The following RBFOX3 variants were observed in gnomAD, a reference collection of about 807,000 sequenced individuals.
The protein encoded by RBFOX3 is RNA binding fox-1 homolog 3, also known as RNA binding protein fox-1 homolog 3.
A neutral mutation model predicts 48.7 loss-of-function variants in RBFOX3; 17 were observed. The ratio of observed to expected loss-of-function variants is 0.35; its 90% CI spans 0.24 to 0.52. The LOEUF is 0.52. RBFOX3 is among the 20% of genes least tolerant of loss of function. The pLI, the probability that RBFOX3 is intolerant of heterozygous loss-of-function variation, is 0.94. For missense variants in RBFOX3, 382 were observed against 497.5 expected, an observed-to-expected ratio of 0.77 and a Z score of 2.21; for synonymous variants, 212 against 209.5, an observed-to-expected ratio of 1.01 and a Z score of -0.10.
At chr17:79,639,644 A>G in the RBFOX3 span, among the ~76,000 whole-genome samples, 2 of 152,232 alleles carry the variant, frequency 1.3e-5, no homozygotes, top group South Asian at 2.1e-4. Context: ...ATTATACATT[A>G]TGACCAAGTG....
chr17:79,252,546 C>T lies in RBFOX3; in HGVS notation c.-73-16741G>A, dbSNP rs376282426. Among the ~76,000 whole-genome samples the T allele has an allele frequency of 6.6e-6, 1 of 152,272 alleles. No homozygotes were observed. Among genetic ancestry groups the T allele is most frequent in the South Asian group, 2.1e-4 (1 of 4,816 alleles). ...GAGGCTGGAACAGGGAGGCAGTGGA[C>T]TCTCCCTCGGAAATGAGCTCTGATG... On this transcript the variant is annotated intron_variant, in intron 3 of 14. Transcript: ENST00000693108. The surrounding 1 kb of genome is among the most constrained non-coding windows in gnomAD (Gnocchi z 4.0).
intron 4 of RBFOX3, chr17:79,183,261 T>G (rs2052574322): frequency 6.6e-6 from 1 of 152,132 alleles, no homozygotes; most frequent in South Asian, 1.8e-4. Flanking sequence ...GGGGGCCGCT[T>G]ACCTGTTGGA....
At chr17:79,168,739 G>A (rs2048532970) in intron 4 of RBFOX3, among the ~76,000 whole-genome samples, 1 of 152,234 alleles carries the variant, frequency 6.6e-6, no homozygotes, top group Non-Finnish European at 1.5e-5. Context: ...CAGACACAGA[G>A]CCATGGTCTC....
At chr17:79,170,537 A>G (rs1260010501) in intron 4 of RBFOX3, among the ~76,000 whole-genome samples, 2 of 152,058 alleles carry the variant, frequency 1.3e-5, no homozygotes, top group African/African-American at 4.8e-5. Flanking sequence ...ACGCGTCTGC[A>G]CCGTCCTGAA....
chr17:79,410,167 C>G (rs190394436), intron 2 of RBFOX3, among the ~76,000 whole-genome samples: 66 of 152,368 alleles, frequency 4.3e-4, no homozygotes, highest in Non-Finnish European at 7.6e-4. Flanking sequence ...CTAGACGGCC[C>G]CCTGCACACA....
intron 2 of RBFOX3, among the ~76,000 whole-genome samples, chr17:79,447,287 C>A (rs2072530170): frequency 6.6e-6 from 1 of 152,188 alleles, no homozygotes; most frequent in Admixed American, 6.5e-5. Context: ...ATGAGCAAAT[C>A]TCAGGGCTGG....
chr17:79,549,981 G>A (rs2090976572), intron 1 of RBFOX3, among the ~76,000 whole-genome samples: 3 of 152,100 alleles, frequency 2.0e-5, no homozygotes, highest in African/African-American at 7.2e-5. Flanking sequence ...GGCAGGACGT[G>A]GGCATGCTGA....
At chr17:79,208,920 G>A (rs550923653) in intron 4 of RBFOX3, among the ~76,000 whole-genome samples, 9 of 152,000 alleles carry the variant, frequency 5.9e-5, no homozygotes, top group East Asian at 1.9e-4. Flanking sequence ...GGTTCACGCC[G>A]TTCTCCTGCC....
At chr17:79,270,399 C>A (rs1217866683) in intron 3 of RBFOX3, among the ~76,000 whole-genome samples, 3 of 152,202 alleles carry the variant, frequency 2.0e-5, no homozygotes, top group Non-Finnish European at 4.4e-5. Flanking sequence ...AGCCTCTCCT[C>A]CTGCACTCCC....
intron 12 of RBFOX3, 37 bp downstream of exon 12, chr17:79,096,616 C>T: frequency 1.3e-6 from 2 of 1,512,514 alleles, no homozygotes; most frequent in Non-Finnish European, 1.8e-6. Context: ...CACAGAACGC[C>T]TGATCCCACC....
intron 4 of RBFOX3, among the ~76,000 whole-genome samples, chr17:79,143,934 G>A (rs1390122130): frequency 6.6e-6 from 1 of 152,238 alleles, no homozygotes; most frequent in Non-Finnish European, 1.5e-5. Context: ...TGCAGGCCAG[G>A]ACGGACACCC....
chr17:79,181,239 C>T (rs775232596), intron 4 of RBFOX3, among the ~76,000 whole-genome samples: 7 of 152,200 alleles, frequency 4.6e-5, no homozygotes, highest in Admixed American at 6.5e-5. Context: ...AGGACCCTTA[C>T]TCTAAATCCT....
intron 3 of RBFOX3, among the ~76,000 whole-genome samples, chr17:79,244,981 C>T (rs988746822): frequency 6.8e-6 from 1 of 147,918 alleles, no homozygotes. Flanking sequence ...CTTTCCCTCC[C>T]TCCCTTCCTT....
intron 10 of RBFOX3, 85 bp downstream of exon 10, chr17:79,097,607 C>CA: frequency 3.8e-6 from 5 of 1,324,978 alleles, no homozygotes; most frequent in South Asian, 1.3e-5. Flanking sequence ...GGCCCCGCCC[C>CA]TCATGCCCCG....
At chr17:79,333,583 C>A (rs1031353581) in intron 2 of RBFOX3, among the ~76,000 whole-genome samples, 1 of 152,172 alleles carries the variant, frequency 6.6e-6, no homozygotes, top group African/African-American at 2.4e-5. Context: ...CTCTGCAGGT[C>A]TCCTGGCTCC....
rs2148743557 is a variant in RBFOX3 at position 79,421,482 on chromosome 17, G to A, written c.-175+60972C>T. Among the ~76,000 whole-genome samples the A allele has an allele frequency of 6.6e-6, 1 of 152,212 alleles. No individual in the cohort carries two copies. The highest frequency in any genetic ancestry group is 2.1e-4 in the South Asian group (1 of 4,812). On this transcript the variant is annotated intron_variant, in intron 2 of 14. Transcript: ENST00000693108. The surrounding 1 kb of genome is among the most constrained non-coding windows in gnomAD (Gnocchi z 4.5). ...GCCACTGGCAGGACAGCAGCTCTCA[G>A]CCCCTCCCCCTGAAGAAAGCATGTG...
chr17:79,259,564 G>A (rs1161625039), intron 3 of RBFOX3, among the ~76,000 whole-genome samples: 6 of 152,196 alleles, frequency 3.9e-5, no homozygotes, highest in Non-Finnish European at 5.9e-5. Flanking sequence ...CAGGACTCTG[G>A]GGGCCCAGGT....
At chr17:79,285,715 G>C (rs1343300603) in intron 3 of RBFOX3, among the ~76,000 whole-genome samples, 1 of 37,190 alleles carries the variant, frequency 2.7e-5, no homozygotes, top group African/African-American at 1.3e-4. Flanking sequence ...ATGGAGTCTC[G>C]CTCTGTCACC....
At position 79,411,911 on chromosome 17, in the gene RBFOX3, T is replaced by C. The variant is rs2064406105; in HGVS notation, c.-175+70543A>G. Among the ~76,000 whole-genome samples the C allele has an allele frequency of 2.0e-5, 3 of 152,230 alleles. No individual in the cohort carries two copies. In the South Asian group the frequency reaches 6.2e-4, roughly 32 times the overall value. ...TGTATGCACGTGTTGTGTATATGTA[T>C]GTGTGGTGTATGCGAGTGTGTAGTA... On this transcript the variant is annotated intron_variant, in intron 2 of 14. Transcript: ENST00000693108.
Sources: gnomAD v4.1 joint callset for allele counts (sites outside exome capture counted in the v4.1 genomes callset) on GRCh38, gnomAD v4.1.1 for gene constraint, Gnocchi (gnomAD v3.1) non-coding constraint, MANE v1.5 for transcripts, NCBI Gene and HGNC (gene_info 2026-07-23, HGNC 2026-07-21) for gene names.